The following MRE11 variants were observed in gnomAD, a reference collection of about 807,000 sequenced individuals.
The protein encoded by MRE11 is double-strand break repair protein MRE11.
MRE11 carries 62 observed loss-of-function variants against 91.7 expected under a neutral mutation model. The ratio of observed to expected loss-of-function variants is 0.68; its 90% CI spans 0.55 to 0.84. The LOEUF (loss-of-function observed/expected upper bound fraction) is 0.84, where lower values mean the gene tolerates loss of function less well. MRE11 is among the 40% of genes least tolerant of loss of function. The pLI is 0.00. For synonymous variants in MRE11, 273 were observed against 271.4 expected (o/e 1.01, Z -0.06); for missense variants, 796 against 852.9 (o/e 0.93, Z 0.83).
intron 3 of MRE11, among the ~76,000 whole-genome samples, chr11:94,488,273 T>C (rs558193883): frequency 6.6e-6 from 1 of 152,152 alleles, no homozygotes; most frequent in Non-Finnish European, 1.5e-5. Context: ...AAATGCACCT[T>C]ACATTCTATT....
intron 2 of MRE11, 128 bp from the exon 3 acceptor site, chr11:94,491,093 A>G: frequency 1.5e-6 from 1 of 663,538 alleles, no homozygotes; most frequent in Non-Finnish European, 2.5e-6. Flanking sequence ...TTAGCCTTAG[A>G]GTTCATCTGA....
upstream of MRE11, chr11:94,496,788 C>T: frequency 1.2e-6 from 2 of 1,613,904 alleles, no homozygotes; most frequent in Non-Finnish European, 1.7e-6. Context: ...TTGTTGGAAA[C>T]ACATGGACAC....
chr11:94,491,184 C>A lies in MRE11; in HGVS notation c.21-219G>T, dbSNP rs745766899. On this transcript the variant is annotated intron_variant, in intron 2 of 19. Transcript: ENST00000323929. ...CAATACAGAACAAATGTACATAAAT[C>A]TTTACAAGGTTCTATAACTGCTTCA... is the stretch of plus-strand genomic sequence containing the variant. Among the ~76,000 whole-genome samples the A allele has an allele frequency of 2.0e-5, 3 of 152,128 alleles. No individual in the cohort carries two copies. The East Asian group carries it at 5.8e-4, about 29-fold the overall frequency.
At position 94,479,090 on chromosome 11, in the gene MRE11, CA is replaced by C. The variant is rs1267057801; in HGVS notation, c.403-215del. The stretch of plus-strand genomic sequence containing the variant: ...AGCAACTGGAATCACATGCCAAAGG[CA>C]AGGTTAATATCTCATCAAAACTTAT... On this transcript the variant is annotated intron_variant, in intron 5 of 19. Transcript: ENST00000323929. Among the ~76,000 whole-genome samples the C allele has an allele frequency of 2.0e-5, 3 of 152,206 alleles. No individual in the cohort carries two copies. In the East Asian group the frequency reaches 5.8e-4, roughly 29 times the overall value.
chr11:94,470,578 C>A lies in MRE11; in HGVS notation c.910G>T (p.Val304Leu), dbSNP rs770429536. ...MNMHKIPLHT[V>L]RQFFMEDIVL... ...ATATCCTCCATGAAAAACTGCCGCA[C>A]TGTGTGAAGAGGAATTTTATGCATA... The change falls in exon 9 of 20, where the codon GTG (valine) becomes TTG (leucine). Residue 304 changes from valine (V) to leucine (L), a missense_variant. Coordinates refer to ENST00000323929, the MANE Select transcript of MRE11 (RefSeq NM_005591.4). The A allele has an allele frequency of 6.2e-7, 1 of 1,613,320 alleles. No individual in the cohort carries two copies. The highest frequency in any genetic ancestry group is 8.5e-7 in the Non-Finnish European group (1 of 1,179,446).
chr11:94,503,200 T>G, the MRE11 span, among the ~76,000 whole-genome samples: 1 of 152,150 alleles, frequency 6.6e-6, no homozygotes, highest in Non-Finnish European at 1.5e-5. Flanking sequence ...TAACTAAAAC[T>G]TTATACTCAT....
intron 10 of MRE11, among the ~76,000 whole-genome samples, chr11:94,467,044 T>C (rs779945205): frequency 1.3e-5 from 2 of 152,188 alleles, no homozygotes; most frequent in African/African-American, 4.8e-5. Context: ...ATCTATTGGA[T>C]TGAACAATTA....
At position 94,418,810 on chromosome 11, in the gene MRE11, A is replaced by C. The variant is rs543417044; in HGVS notation, c.*1315T>G. The C allele has an allele frequency of 4.3e-6, 1 of 231,782 alleles. No individual in the cohort carries two copies. Among genetic ancestry groups the C allele is most frequent in the East Asian group, 6.1e-5 (1 of 16,290 alleles). 14.4% of individuals were successfully genotyped at this position (231,782 alleles called of 1,614,324 possible). On this transcript the variant is annotated 3_prime_UTR_variant, in exon 20 of 20. Coordinates refer to ENST00000323929, the MANE Select transcript of MRE11 (RefSeq NM_005591.4). ...GGTACAGAAAAAATATTTTTAAGAAAGTCAATAGAATGTTATATTGCAAGT... is the reference window on the plus strand; with the variant it reads ...GGTACAGAAAAAATATTTTTAAGAACGTCAATAGAATGTTATATTGCAAGT...
chr11:94,504,989 A>G, the MRE11 span, among the ~76,000 whole-genome samples: 1 of 152,194 alleles, frequency 6.6e-6, no homozygotes, highest in African/African-American at 2.4e-5. Context: ...AAAATTTCCT[A>G]TCACCCAGTG....
intron 4 of MRE11, among the ~76,000 whole-genome samples, chr11:94,482,141 G>T (rs904368844): frequency 1.3e-5 from 2 of 152,168 alleles, no homozygotes; most frequent in African/African-American, 4.8e-5. Context: ...TAAGAACAAT[G>T]AGAAAATCTT....
chr11:94,421,031 C>T (rs1007485145), intron 19 of MRE11, among the ~76,000 whole-genome samples: 20 of 145,088 alleles, frequency 1.4e-4, no homozygotes, highest in African/African-American at 5.1e-4. Context: ...GAGACTCCAT[C>T]TCAAAAAAAA....
intron 13 of MRE11, among the ~76,000 whole-genome samples, chr11:94,456,970 G>A (rs1282923389): frequency 6.6e-6 from 1 of 152,116 alleles, no homozygotes; most frequent in African/African-American, 2.4e-5. Context: ...CCTTCAATGT[G>A]CCATATATTA....
rs758931835 is a variant in MRE11, at chr11:94,429,932, C to T, written c.2049G>A (p.Gly683=). The T allele has an allele frequency of 7.4e-5, 120 of 1,613,376 alleles. 1 individual carries two copies. Among genetic ancestry groups the T allele is most frequent in the South Asian group, 6.6e-4 (60 of 91,022 alleles). ...KIMSQSQVSK[G]VDFESSEDDD... ...TTACCTCACTTGATTCAAAATCAAC[C>T]CCTTTCGATACTTGACTCTGGGACA... The change falls in exon 19 of 20, where the codon GGG becomes GGA. Residue 683 remains glycine, a synonymous_variant. Transcript: ENST00000323929.
chr11:94,439,282 A>T (rs1945711012), intron 16 of MRE11, among the ~76,000 whole-genome samples: 1 of 151,494 alleles, frequency 6.6e-6, no homozygotes, highest in African/African-American at 2.4e-5. Flanking sequence ...TCAGAGACTT[A>T]AAAAAAAACC....
At chr11:94,466,591 G>A (rs1011723461) in intron 10 of MRE11, 1 of 452,064 alleles carries the variant, frequency 2.2e-6, no homozygotes, top group Admixed American at 2.2e-5. Context: ...CAAACCAAGG[G>A]ATAAGGGATG....
At position 94,467,912 on chromosome 11, in the gene MRE11, A is replaced by T. The variant is rs1946609232; in HGVS notation, c.1018-19T>A. ...CTTCAATCTCAAAATTTTTAAAAAG[A>T]TTAAAAAACAACGTAGTAAACTGAG... On this transcript the variant is annotated intron_variant, in intron 9 of 19. Coordinates refer to ENST00000323929, the MANE Select transcript of MRE11 (RefSeq NM_005591.4). The T allele has an allele frequency of 3.1e-6, 5 of 1,602,962 alleles. No individual in the cohort carries two copies. The highest frequency in any genetic ancestry group is 3.4e-6 in the Non-Finnish European group (4 of 1,170,478).
At chr11:94,453,056 CTCATA>C (rs1292942331) in intron 14 of MRE11, among the ~76,000 whole-genome samples, 1 of 152,070 alleles carries the variant, frequency 6.6e-6, no homozygotes, top group Non-Finnish European at 1.5e-5. Flanking sequence ...CTCTAGGTAC[CTCATA>C]TAAGTAGAGT....
chr11:94,479,497 T>A (rs1243716373), intron 5 of MRE11, among the ~76,000 whole-genome samples, 177 bp downstream of exon 5: 1 of 152,182 alleles, frequency 6.6e-6, no homozygotes, highest in Non-Finnish European at 1.5e-5. Flanking sequence ...CAATTCTTAT[T>A]TCAGATTTTT....
intron 14 of MRE11, among the ~76,000 whole-genome samples, chr11:94,455,051 T>A (rs1289394365): frequency 6.6e-6 from 1 of 152,206 alleles, no homozygotes; most frequent in East Asian, 1.9e-4. Context: ...CTATGTGTAT[T>A]TCAACAGTGA....
Sources: gnomAD v4.1 joint callset for allele counts (sites outside exome capture counted in the v4.1 genomes callset) on GRCh38, gnomAD v4.1.1 for gene constraint, MANE v1.5 for transcripts, NCBI Gene and HGNC (gene_info 2026-07-23, HGNC 2026-07-21) for gene names.